GABBR2: variants seen among roughly 807,000 people sequenced by gnomAD.
GABBR2 encodes the protein gamma-aminobutyric acid type B receptor subunit 2.
GABBR2 carries 23 observed loss-of-function variants against 105.6 expected under a neutral mutation model. That is an observed-to-expected ratio of 0.22 (90% CI 0.16 to 0.31). The LOEUF (loss-of-function observed/expected upper bound fraction) is 0.31, where lower values mean the gene tolerates loss of function less well. Among genes scored for constraint, GABBR2 ranks in the 10% least tolerant of loss-of-function variants. The probability of loss-of-function intolerance (pLI) is 1.00; values close to 1 mark genes in which losing one functional copy is unlikely to be tolerated. For synonymous variants in GABBR2, 478 were observed against 499.7 expected (o/e 0.96, Z 0.58); for missense variants, 734 against 1,245.5 (o/e 0.59, Z 6.18).
intron 4 of GABBR2, among the ~76,000 whole-genome samples, chr9:98,482,063 G>C (rs1826935865): frequency 6.6e-6 from 1 of 152,160 alleles, no homozygotes; most frequent in Non-Finnish European, 1.5e-5. Flanking sequence ...CCAAACACCT[G>C]CTCCCCATCC....
At chr9:98,564,186 A>G (rs923173353) in intron 2 of GABBR2, among the ~76,000 whole-genome samples, 1 of 152,206 alleles carries the variant, frequency 6.6e-6, no homozygotes, top group Non-Finnish European at 1.5e-5. Flanking sequence ...ATGGACAGGC[A>G]GGAAGTTCCT....
At position 98,362,846 on chromosome 9, in the gene GABBR2, C is replaced by A. The variant is rs77949482; in HGVS notation, c.1771-9G>T. 1 of 1,562,694 alleles carries A rather than the reference C, an allele frequency of 6.4e-7. No individual in the cohort carries two copies. The highest frequency in any genetic ancestry group is 1.4e-5 in the African/African-American group (1 of 73,130). ...TTCTGGTCCTTGATGATCTACAGAG[C>A]GGGAAGGAGCAGAGGGGAGCCGATG... On this transcript the variant is annotated splice_polypyrimidine_tract_variant and intron_variant, in intron 12 of 18. Coordinates refer to ENST00000259455, the MANE Select transcript of GABBR2 (RefSeq NM_005458.8).
At chr9:98,644,106 G>A (rs558887869) in intron 1 of GABBR2, among the ~76,000 whole-genome samples, 6 of 152,218 alleles carry the variant, frequency 3.9e-5, no homozygotes, top group South Asian at 4.2e-4. Flanking sequence ...CCTGGAAAGC[G>A]GAGCGATGAC....
chr9:98,295,968 C>T (rs1830374568), intron 17 of GABBR2, among the ~76,000 whole-genome samples: 1 of 152,216 alleles, frequency 6.6e-6, no homozygotes, highest in Admixed American at 6.5e-5. Context: ...TATTCACAAT[C>T]CACTGTTGAT....
intron 1 of GABBR2, chr9:98,606,864 G>A (rs1050698279): frequency 2.5e-5 from 13 of 517,368 alleles, no homozygotes; most frequent in Admixed American, 9.4e-5. Flanking sequence ...GGAGAGAAGC[G>A]TCCACAGCAG....
chr9:98,698,002 G>A (rs975586093), intron 1 of GABBR2, among the ~76,000 whole-genome samples: 1 of 152,248 alleles, frequency 6.6e-6, no homozygotes, highest in African/African-American at 2.4e-5. Flanking sequence ...ATAATACAGT[G>A]ATGATTATTA....
chr9:98,353,015 G>T (rs1353778147), intron 13 of GABBR2, among the ~76,000 whole-genome samples: 1 of 152,110 alleles, frequency 6.6e-6, no homozygotes, highest in Non-Finnish European at 1.5e-5. Context: ...AGGGGGGTGA[G>T]TGAATGGGAC....
intron 11 of GABBR2, among the ~76,000 whole-genome samples, chr9:98,373,851 CTTTTTTTTTTT>C (rs577915397): frequency 6.9e-5 from 6 of 86,692 alleles, no homozygotes; most frequent in African/African-American, 9.8e-5. Context: ...CAAAGCATTC[CTTTTTTTTTTT>C]TTTTTTTTTT....
intron 1 of GABBR2, among the ~76,000 whole-genome samples, chr9:98,682,364 A>G (rs564046568): frequency 2.2e-4 from 25 of 114,060 alleles, no homozygotes; most frequent in African/African-American, 7.3e-4. Flanking sequence ...GGATTTTACC[A>G]TCTTTTTTTT....
intron 7 of GABBR2, among the ~76,000 whole-genome samples, chr9:98,446,630 A>G (rs1473302924): frequency 6.6e-6 from 1 of 152,128 alleles, no homozygotes. Context: ...ATTTCACTGG[A>G]ACTACCTGGG....
intron 6 of GABBR2, among the ~76,000 whole-genome samples, chr9:98,467,418 C>T (rs1388044791): frequency 6.6e-6 from 1 of 152,168 alleles, no homozygotes; most frequent in Non-Finnish European, 1.5e-5. Context: ...TCATGAGTGC[C>T]TAGGGGAGTA....
chr9:98,415,578 C>A (rs913292151), intron 7 of GABBR2, among the ~76,000 whole-genome samples: 33 of 152,288 alleles, frequency 2.2e-4, no homozygotes, highest in Middle Eastern at 6.8e-3. Flanking sequence ...CTCGGCAAAA[C>A]GTGCAGAGAT....
chr9:98,357,482 T>C (rs1831505515), intron 13 of GABBR2, among the ~76,000 whole-genome samples: 1 of 152,040 alleles, frequency 6.6e-6, no homozygotes. Context: ...ACTCCGTCTT[T>C]ACAAAAAATA....
chr9:98,521,782 G>A (rs1030398468), intron 3 of GABBR2, among the ~76,000 whole-genome samples: 4 of 151,992 alleles, frequency 2.6e-5, no homozygotes, highest in Non-Finnish European at 5.9e-5. Context: ...AAACAATGAG[G>A]GGACTCAAGA....
chr9:98,579,961 AAGTATG>A (rs1433409479), intron 1 of GABBR2, among the ~76,000 whole-genome samples: 1 of 152,182 alleles, frequency 6.6e-6, no homozygotes, highest in Non-Finnish European at 1.5e-5. Context: ...AAAATGCTCT[AAGTATG>A]AGGGTAAAGG....
chr9:98,686,521 G>A (rs1460304110), intron 1 of GABBR2, among the ~76,000 whole-genome samples: 4 of 151,992 alleles, frequency 2.6e-5, no homozygotes, highest in Admixed American at 1.3e-4. Flanking sequence ...TCAGCCTCTC[G>A]AGTAGCTGGG....
Position 98,656,437 on chromosome 9 carries a change from G to GA in GABBR2, c.321+51979dup, listed in dbSNP as rs5899348. On this transcript the variant is annotated intron_variant, in intron 1 of 18. Coordinates refer to ENST00000259455, the MANE Select transcript of GABBR2 (RefSeq NM_005458.8). Reference sequence around the variant, plus strand: ...TGTGTTGCTGTCTTATTATAAAAAGGAAAAAAAAAACAACAGTTGAGCTGA... The same window carrying GA: ...TGTGTTGCTGTCTTATTATAAAAAGGAAAAAAAAAAACAACAGTTGAGCTGA... 3.1e-3 allele frequency among the ~76,000 whole-genome samples: 461 copies of GA among 150,642 alleles called. 8 individuals are homozygous for GA. The East Asian group carries it at 0.039, about 13-fold the overall frequency.
At chr9:98,476,257 C>T (rs904003246) in intron 5 of GABBR2, among the ~76,000 whole-genome samples, 1 of 152,194 alleles carries the variant, frequency 6.6e-6, no homozygotes, top group South Asian at 2.1e-4. Context: ...AGCTACTGTC[C>T]TGTTGTAGCT....
intron 1 of GABBR2, among the ~76,000 whole-genome samples, chr9:98,687,535 C>T (rs1346894447): frequency 6.6e-6 from 1 of 152,184 alleles, no homozygotes; most frequent in Non-Finnish European, 1.5e-5. Context: ...AGGAGCCTGA[C>T]TAAAGTTTGG....
Sources: allele counts gnomAD v4.1 joint callset (sites outside exome capture counted in the v4.1 genomes callset), GRCh38; gene constraint gnomAD v4.1.1; transcripts MANE v1.5; gene names NCBI Gene and HGNC (gene_info 2026-07-23, HGNC 2026-07-21).